Variants in SGCZ observed in about 807,000 individuals in gnomAD.
SGCZ encodes the protein zeta-sarcoglycan.
Under a neutral mutation model 41.3 loss-of-function variants are expected in SGCZ, and 40 were observed. That is an observed-to-expected ratio of 0.97 (90% CI 0.75 to 1.26). The LOEUF is 1.26. Ranked by LOEUF, SGCZ falls within the 50% of genes most tolerant of loss-of-function variation. The pLI is 0.00. For missense variants in SGCZ, 552 were observed against 369.8 expected (o/e 1.49, Z -4.04); for synonymous variants, 206 against 137.5 (o/e 1.50, Z -3.49).
At chr8:14,128,206 A>AT (rs1802924777) in intron 5 of SGCZ, among the ~76,000 whole-genome samples, 1 of 152,226 alleles carries the variant, frequency 6.6e-6, no homozygotes, top group African/African-American at 2.4e-5. Context: ...AAATGGGCAA[A>AT]TGACATAAAC....
At chr8:15,172,685 G>C (rs1434785716) in intron 1 of SGCZ, among the ~76,000 whole-genome samples, 1 of 152,056 alleles carries the variant, frequency 6.6e-6, no homozygotes, top group African/African-American at 2.4e-5. Flanking sequence ...ACTTGGTCTT[G>C]GAGTCTATTA....
chr8:15,149,423 G>A (rs1394731095), intron 1 of SGCZ, among the ~76,000 whole-genome samples: 4 of 152,094 alleles, frequency 2.6e-5, no homozygotes, highest in Non-Finnish European at 4.4e-5. Context: ...TGCAAACCTA[G>A]TACCAGTTCA....
intron 1 of SGCZ, among the ~76,000 whole-genome samples, chr8:14,664,879 G>T: frequency 6.6e-6 from 1 of 152,102 alleles, no homozygotes; most frequent in Middle Eastern, 3.2e-3. Flanking sequence ...CTGACATATG[G>T]ATTGTGGTTA....
chr8:14,669,693 TACACACACACACACACACACAC>T (rs35602830), intron 1 of SGCZ, among the ~76,000 whole-genome samples: 1 of 147,556 alleles, frequency 6.8e-6, no homozygotes, highest in Admixed American at 6.8e-5. Context: ...ATTTTGTGTA[TACACACACACACACACACACAC>T]ACACACACAC....
intron 4 of SGCZ, among the ~76,000 whole-genome samples, chr8:14,226,200 A>T (rs1048485461): frequency 2.0e-5 from 3 of 151,994 alleles, no homozygotes; most frequent in Non-Finnish European, 4.4e-5. Flanking sequence ...AGTTATATAT[A>T]AAAAAAGACA....
Position 15,217,505 on chromosome 8 carries a change from A to G in SGCZ, c.39+20080T>C, listed in dbSNP as rs1801446452. On this transcript the variant is annotated intron_variant, in intron 1 of 7. Coordinates refer to ENST00000382080, the MANE Select transcript of SGCZ (RefSeq NM_139167.4). The stretch of plus-strand genomic sequence containing the variant: ...CAGTGATCGTTTTGGTTTGAGTTCT[A>G]TAACCAGAAAGCTGGACCTTTGAAA... Among the ~76,000 whole-genome samples, 3 of 147,088 alleles carry G rather than the reference A, an allele frequency of 2.0e-5. No individual in the cohort carries two copies. In the South Asian group the frequency reaches 6.4e-4, roughly 31 times the overall value.
chr8:14,850,885 C>T (rs1201159587), intron 1 of SGCZ, among the ~76,000 whole-genome samples: 4 of 152,170 alleles, frequency 2.6e-5, no homozygotes, highest in South Asian at 4.1e-4. Context: ...GCTTCCCCTT[C>T]GCCTTCCACC....
intron 1 of SGCZ, among the ~76,000 whole-genome samples, chr8:14,947,937 T>G (rs1011539702): frequency 5.9e-5 from 9 of 152,194 alleles, no homozygotes; most frequent in Non-Finnish European, 1.0e-4. Context: ...TTATCTTTGT[T>G]CTACCTCTCT....
intron 1 of SGCZ, among the ~76,000 whole-genome samples, chr8:14,968,791 T>G (rs977216010): frequency 6.6e-6 from 1 of 152,148 alleles, no homozygotes; most frequent in African/African-American, 2.4e-5. Flanking sequence ...ATATAAATTT[T>G]GTGATTTGAC....
chr8:14,363,975 C>T (rs773880572), intron 2 of SGCZ, among the ~76,000 whole-genome samples: 2 of 152,038 alleles, frequency 1.3e-5, no homozygotes, highest in Non-Finnish European at 2.9e-5. Context: ...AAGTAACATA[C>T]TCCCACTCCT....
At chr8:15,226,178 C>CCTAT (rs74716814) in intron 1 of SGCZ, among the ~76,000 whole-genome samples, 1 of 152,108 alleles carries the variant, frequency 6.6e-6, no homozygotes, top group Non-Finnish European at 1.5e-5. Context: ...ATCCTTCGGA[C>CCTAT]CTACCTACCT....
intron 1 of SGCZ, among the ~76,000 whole-genome samples, chr8:14,974,797 C>T (rs1016429773): frequency 7.7e-6 from 1 of 130,526 alleles, no homozygotes; most frequent in African/African-American, 2.9e-5. Context: ...TACTTGGAAA[C>T]AAAATTACTT....
chr8:14,195,131 G>A (rs1351026930), intron 4 of SGCZ, among the ~76,000 whole-genome samples: 1 of 152,088 alleles, frequency 6.6e-6, no homozygotes, highest in Non-Finnish European at 1.5e-5. Flanking sequence ...CCAATTAAAA[G>A]TGACCCAGAA....
chr8:15,112,093 G>T (rs915711266), intron 1 of SGCZ, among the ~76,000 whole-genome samples: 2 of 152,074 alleles, frequency 1.3e-5, no homozygotes, highest in Non-Finnish European at 2.9e-5. Context: ...GTGAGATTAG[G>T]TTTGAGCATT....
At chr8:14,277,254 A>G (rs1201235646) in intron 3 of SGCZ, among the ~76,000 whole-genome samples, 1 of 152,188 alleles carries the variant, frequency 6.6e-6, no homozygotes, top group Non-Finnish European at 1.5e-5. Flanking sequence ...ATCCTCGTAA[A>G]GTTCAAAATG....
intron 1 of SGCZ, among the ~76,000 whole-genome samples, chr8:14,828,602 A>C (rs1802420427): frequency 6.6e-6 from 1 of 152,308 alleles, no homozygotes; most frequent in South Asian, 2.1e-4. Flanking sequence ...GACAAAGCAC[A>C]ATCAAACCAG....
At chr8:14,616,793 A>T (rs1348244318) in intron 1 of SGCZ, among the ~76,000 whole-genome samples, 1 of 152,142 alleles carries the variant, frequency 6.6e-6, no homozygotes, top group Non-Finnish European at 1.5e-5. Flanking sequence ...AAAATAGTAA[A>T]ATTCAAATTT....
chr8:15,193,037 T>C (rs952884743), intron 1 of SGCZ, among the ~76,000 whole-genome samples: 8 of 152,056 alleles, frequency 5.3e-5, no homozygotes, highest in African/African-American at 1.9e-4. Flanking sequence ...CCACTTATAA[T>C]TGGTGAATAC....
intron 2 of SGCZ, among the ~76,000 whole-genome samples, chr8:14,430,372 G>A (rs1799910021): frequency 6.6e-6 from 1 of 152,062 alleles, no homozygotes; most frequent in Non-Finnish European, 1.5e-5. Context: ...TCATACCAGG[G>A]ATGCAGTAAT....
Sources: allele counts gnomAD v4.1 joint callset (sites outside exome capture counted in the v4.1 genomes callset), GRCh38; gene constraint gnomAD v4.1.1; transcripts MANE v1.5; gene names NCBI Gene and HGNC (gene_info 2026-07-23, HGNC 2026-07-21).